MCMBP: variants seen among roughly 807,000 people sequenced by gnomAD.
MCMBP encodes the protein minichromosome maintenance complex binding protein.
A neutral mutation model predicts 81.3 loss-of-function variants in MCMBP; 31 were observed. The ratio of observed to expected loss-of-function variants is 0.38; its 90% CI spans 0.29 to 0.51. The LOEUF (loss-of-function observed/expected upper bound fraction) is 0.51. Ranked by LOEUF, MCMBP falls within the 20% of genes least tolerant of loss-of-function variation. The probability of loss-of-function intolerance (pLI) is 0.87; values close to 1 mark genes in which losing one functional copy is unlikely to be tolerated. For missense variants in MCMBP, 645 were observed against 772.1 expected, an observed-to-expected ratio of 0.84 and a Z score of 1.95; for synonymous variants, 267 against 275.9, an observed-to-expected ratio of 0.97 and a Z score of 0.32.
chr10:119,872,920 G>C (rs1469545554), upstream of MCMBP: 4 of 150,826 alleles, frequency 2.7e-5, no homozygotes, highest in Non-Finnish European at 4.4e-5. Context: ...GCGGGAGCGC[G>C]CGGCGCAGCG....
At chr10:119,861,657 C>T (rs1853258384) in intron 1 of MCMBP, among the ~76,000 whole-genome samples, 1 of 152,132 alleles carries the variant, frequency 6.6e-6, no homozygotes, top group East Asian at 1.9e-4. Context: ...CGTGAGAATA[C>T]CACATAACAA....
chr10:119,858,394 C>A (rs2134389526), intron 4 of MCMBP, among the ~76,000 whole-genome samples: 1 of 152,246 alleles, frequency 6.6e-6, no homozygotes, highest in Admixed American at 6.5e-5. Context: ...TCTCCTGGGT[C>A]CTTTCCACTT....
In MCMBP at chr10:119,847,663, A is replaced by G. The variant is rs1290149507; in HGVS notation, c.777T>C (p.Tyr259=). Residue 259 remains tyrosine (Y), a synonymous_variant, in exon 8 of 16, where the codon TAT becomes TAC. Transcript: ENST00000369077. ...GCACAGGATCCACAGACAGTATGCCATATAGCTCAAGAATGTCATTTACTT... is the reference window on the plus strand; with the variant it reads ...GCACAGGATCCACAGACAGTATGCCGTATAGCTCAAGAATGTCATTTACTT... ...CFKVNDILEL[Y]GILSVDPVLS... is the part of the protein sequence containing the mutation. The G allele has an allele frequency of 6.2e-7, 1 of 1,612,292 alleles. No individual in the cohort carries two copies. Among genetic ancestry groups the G allele is most frequent in the Admixed American group, 1.7e-5 (1 of 60,002 alleles).
intron 1 of MCMBP, among the ~76,000 whole-genome samples, chr10:119,867,721 A>C (rs1346850996): frequency 6.6e-6 from 1 of 152,194 alleles, no homozygotes; most frequent in Non-Finnish European, 1.5e-5. Context: ...AGAAATACTG[A>C]GTTGCTTGGA....
intron 13 of MCMBP, 126 bp downstream of exon 13, chr10:119,836,755 CAGTTTTTTTTTTTTT>C: frequency 1.6e-6 from 1 of 618,890 alleles, no homozygotes; most frequent in East Asian, 3.1e-5. Flanking sequence ...TCAGCAGTCA[CAGTTTTTTTTTTTTT>C]TTTTTTTTTT....
At chr10:119,831,865 T>G (rs1239993427) in intron 15 of MCMBP, 147 bp downstream of exon 15, 4 of 822,922 alleles carry the variant, frequency 4.9e-6, no homozygotes, top group Non-Finnish European at 7.5e-6. Context: ...CAAACTCGAT[T>G]CCCCCTCAAT....
At position 119,831,508 on chromosome 10, in the gene MCMBP, T is replaced by G. The variant is rs1329307291; in HGVS notation, c.1889A>C (p.Gln630Pro). ...ATTTCCATTCACACATTTTTGCTGC[T>G]GAAGCCTCGTTCTTCTTAAAGACTC... Reference protein sequence around the residue: ...QLESLRRTRLQQQKCVNGNEL With the variant: ...QLESLRRTRLPQQKCVNGNEL Residue 630 changes from glutamine to proline, a missense_variant, in exon 16 of 16, where the codon CAG becomes CCG. Transcript: ENST00000369077. 3.1e-6 allele frequency: 5 copies of G among 1,613,952 alleles called. No individual in the cohort carries two copies. Among genetic ancestry groups the G allele is most frequent in the Non-Finnish European group, 4.2e-6 (5 of 1,179,946 alleles).
chr10:119,851,829 A>G (rs186389938), intron 6 of MCMBP, among the ~76,000 whole-genome samples: 103 of 152,324 alleles, frequency 6.8e-4, no homozygotes, highest in African/African-American at 2.4e-3. Flanking sequence ...AATAAAATTC[A>G]TTAGTAAATC....
Position 119,832,018 on chromosome 10 carries a change from A to G in MCMBP, c.1790T>C (p.Val597Ala), listed in dbSNP as rs1852064034. 5 of 1,610,770 alleles carry G rather than the reference A, an allele frequency of 3.1e-6. No homozygotes were observed. Among genetic ancestry groups the G allele is most frequent in the Non-Finnish European group, 4.2e-6 (5 of 1,178,946 alleles). Residue 597 changes from valine to alanine, a missense_variant, in exon 15 of 16, where the codon GTG becomes GCG. Coordinates refer to ENST00000369077, the MANE Select transcript of MCMBP (RefSeq NM_001256378.2). ...ATGGACGTGCGCCACTTACCGAGCC[A>G]CCACGAGCAGCTGGTGAAGATCATC... is the stretch of plus-strand genomic sequence containing the variant. ...TADDLHQLLV[V>A]ARCLSLSAGQ...
rs527653465 is a variant in MCMBP at position 119,866,844 on chromosome 10, T to C, written c.58+5683A>G. 2.0e-5 allele frequency among the ~76,000 whole-genome samples: 3 copies of C among 152,172 alleles called. No homozygotes were observed. The South Asian group carries it at 6.2e-4, about 32-fold the overall frequency. ...TGGGTGTGGTGGCAGGCGCCTGTAG[T>C]CCCAACTACTCGGGAGGCTGAGGCA... On this transcript the variant is annotated intron_variant, in intron 1 of 15. Coordinates refer to ENST00000369077, the MANE Select transcript of MCMBP (RefSeq NM_001256378.2).
At chr10:119,867,021 G>A (rs935804472) in intron 1 of MCMBP, among the ~76,000 whole-genome samples, 1 of 151,774 alleles carries the variant, frequency 6.6e-6, no homozygotes, top group African/African-American at 2.4e-5. Flanking sequence ...GGCAGGGCAC[G>A]GTGGCTCATG....
chr10:119,836,762 T>G (rs1004679648), intron 13 of MCMBP, 134 bp downstream of exon 13: 15 of 13,968 alleles, frequency 1.1e-3, no homozygotes, highest in African/African-American at 2.5e-3. Context: ...TCACAGTTTT[T>G]TTTTTTTTTT....
chr10:119,867,986 G>C (rs1392528556), intron 1 of MCMBP, among the ~76,000 whole-genome samples: 1 of 152,178 alleles, frequency 6.6e-6, no homozygotes. Flanking sequence ...TCTCTAAAAT[G>C]CTAGTGATAA....
chr10:119,835,278 A>G, intron 14 of MCMBP, among the ~76,000 whole-genome samples: 1 of 152,248 alleles, frequency 6.6e-6, no homozygotes, highest in East Asian at 1.9e-4. Context: ...AATCCCTAAT[A>G]GATGATTATA....
chr10:119,863,118 T>G lies in MCMBP; in HGVS notation c.59-3234A>C, dbSNP rs761491043. ...ATAGCTTGTCTTTTCATGCTCCTAA[T>G]AGAATTTTTTTTTACAGAACAAAGG... On this transcript the variant is annotated intron_variant, in intron 1 of 15. Transcript: ENST00000369077. Among the ~76,000 whole-genome samples the G allele has an allele frequency of 3.3e-5, 5 of 152,186 alleles. No individual in the cohort carries two copies. The South Asian group carries it at 1.0e-3, about 31-fold the overall frequency.
chr10:119,835,484 T>C lies in MCMBP; in HGVS notation c.1707+56A>G, dbSNP rs927580016. On this transcript the variant is annotated intron_variant, in intron 14 of 15. Transcript: ENST00000369077. ...TATCAGTAATTATGGTAAATGTAAATTGGTTGCATACTGCAATTCAACACA... is the reference window on the plus strand; with the variant it reads ...TATCAGTAATTATGGTAAATGTAAACTGGTTGCATACTGCAATTCAACACA... 1.3e-5 allele frequency: 19 copies of C among 1,429,366 alleles called. No individual in the cohort carries two copies. In the African/African-American group the frequency reaches 2.3e-4, roughly 17 times the overall value. The allele number at this position is 1,429,366 out of a possible 1,614,324, so 88.5% of individuals were successfully genotyped here.
At chr10:119,863,398 T>A (rs2134399495) in intron 1 of MCMBP, among the ~76,000 whole-genome samples, 1 of 152,290 alleles carries the variant, frequency 6.6e-6, no homozygotes, top group Non-Finnish European at 1.5e-5. Flanking sequence ...ATGAAAAGAA[T>A]ATCCTTTTTC....
At chr10:119,848,125 T>C (rs775268312) in intron 7 of MCMBP, among the ~76,000 whole-genome samples, 1 of 151,010 alleles carries the variant, frequency 6.6e-6, no homozygotes, top group African/African-American at 2.4e-5. Flanking sequence ...CAACATCGGA[T>C]TAACACAAAA....
intron 14 of MCMBP, among the ~76,000 whole-genome samples, chr10:119,832,985 T>A (rs1852100498): frequency 6.6e-6 from 1 of 152,190 alleles, no homozygotes; most frequent in Non-Finnish European, 1.5e-5. Context: ...AGCTCCCACC[T>A]CTGCATGACC....
Sources: gnomAD v4.1 joint callset for allele counts (sites outside exome capture counted in the v4.1 genomes callset) on GRCh38, gnomAD v4.1.1 for gene constraint, MANE v1.5 for transcripts, NCBI Gene and HGNC (gene_info 2026-07-23, HGNC 2026-07-21) for gene names.